RARS2: variants seen among roughly 807,000 people sequenced by gnomAD.
RARS2 encodes the protein probable arginine--tRNA ligase, mitochondrial.
RARS2 carries 67 observed loss-of-function variants against 88.5 expected under a neutral mutation model. The observed-to-expected ratio is 0.76, with a 90% CI of 0.62 to 0.93. RARS2 has a LOEUF of 0.93. Among genes scored for constraint, RARS2 ranks in the 40% least tolerant of loss-of-function variants. RARS2 has a pLI of 0.00. For missense variants in RARS2, 664 were observed against 684.2 expected (o/e 0.97, Z 0.33); for synonymous variants, 239 against 230.3 (o/e 1.04, Z -0.34).
intron 11 of RARS2, among the ~76,000 whole-genome samples, chr6:87,522,427 T>A (rs1156559722): frequency 6.6e-6 from 1 of 150,820 alleles, no homozygotes; most frequent in African/African-American, 2.4e-5. Context: ...AGTTTGCATA[T>A]GAAATAATGA....
intron 5 of RARS2, 62 bp downstream of exon 5, chr6:87,555,346 T>C (rs1377406873): frequency 7.1e-6 from 9 of 1,259,858 alleles, no homozygotes; most frequent in Admixed American, 5.1e-5. Flanking sequence ...ATAATGATGG[T>C]AATAACACTC....
intron 1 of RARS2, among the ~76,000 whole-genome samples, chr6:87,570,717 G>A (rs951056480): frequency 6.6e-6 from 1 of 152,092 alleles, no homozygotes; most frequent in Non-Finnish European, 1.5e-5. Context: ...ACCATGCCCA[G>A]CCAGATTTTT....
At chr6:87,579,722 T>G (rs1030584527) in intron 1 of RARS2, among the ~76,000 whole-genome samples, 9 of 112,226 alleles carry the variant, frequency 8.0e-5, no homozygotes, top group East Asian at 4.8e-4. Flanking sequence ...CATGTTTTTT[T>G]TTTTTTTTTT....
intron 11 of RARS2, among the ~76,000 whole-genome samples, chr6:87,521,798 G>A (rs980158109): frequency 6.6e-6 from 1 of 152,124 alleles, no homozygotes; most frequent in Non-Finnish European, 1.5e-5. Flanking sequence ...TCTACAACAA[G>A]TAGTAATAAC....
At position 87,515,285 on chromosome 6, in the gene RARS2, G is replaced by A. The variant is rs535853300; in HGVS notation, c.1587-265C>T. ...GCCTGTAATCCCAGCACTTTGGGAG[G>A]CCGAGGCGGGTGGATCACAAGGTCA... is the stretch of plus-strand genomic sequence containing the variant. On this transcript the variant is annotated intron_variant, in intron 18 of 19. Transcript: ENST00000369536. Among the ~76,000 whole-genome samples, 8 of 152,320 alleles carry A rather than the reference G, an allele frequency of 5.3e-5. No individual in the cohort carries two copies. In the East Asian group the frequency reaches 1.2e-3, roughly 22 times the overall value.
chr6:87,518,698 C>G lies in RARS2; in HGVS notation c.1347G>C (p.Trp449Cys), dbSNP rs774339242. The G allele has an allele frequency of 3.7e-6, 6 of 1,613,952 alleles. No homozygotes were observed. Among genetic ancestry groups the G allele is most frequent in the Non-Finnish European group, 5.1e-6 (6 of 1,180,000 alleles). ...GLLLSDYKFS[W>C]DRVFQSRGDT... ...CCCCGCGACTCTGGAAAACACGATCCCAGCTGAACTTGTAGTCAGATAAGA... is the reference window on the plus strand; with the variant it reads ...CCCCGCGACTCTGGAAAACACGATCGCAGCTGAACTTGTAGTCAGATAAGA... The change falls in exon 16 of 20, where the codon TGG becomes TGC. Residue 449 changes from tryptophan (W) to cysteine (C), a missense_variant. Coordinates refer to ENST00000369536, the MANE Select transcript of RARS2 (RefSeq NM_020320.5).
At chr6:87,571,125 C>T (rs1415667918) in intron 1 of RARS2, among the ~76,000 whole-genome samples, 3 of 151,924 alleles carry the variant, frequency 2.0e-5, no homozygotes, top group Admixed American at 6.6e-5. Flanking sequence ...ATAATCCCCA[C>T]GTGTCATGGG....
intron 4 of RARS2, among the ~76,000 whole-genome samples, chr6:87,557,876 T>A (rs1482617816): frequency 6.6e-6 from 1 of 152,142 alleles, no homozygotes; most frequent in Non-Finnish European, 1.5e-5. Flanking sequence ...AACCACTCCC[T>A]TAAGATTTCA....
intron 6 of RARS2, among the ~76,000 whole-genome samples, 198 bp downstream of exon 6, chr6:87,548,393 T>A (rs965157126): frequency 1.3e-5 from 2 of 152,254 alleles, no homozygotes; most frequent in Non-Finnish European, 2.9e-5. Context: ...GTGAATCTTT[T>A]GGTTTTGAAA....
intron 1 of RARS2, among the ~76,000 whole-genome samples, chr6:87,584,349 G>A (rs947732679): frequency 1.3e-5 from 2 of 152,020 alleles, no homozygotes; most frequent in South Asian, 4.1e-4. Context: ...AACTTAAGAG[G>A]GTAAAATCAC....
At chr6:87,581,965 G>A (rs1252101771) in intron 1 of RARS2, among the ~76,000 whole-genome samples, 7 of 152,152 alleles carry the variant, frequency 4.6e-5, no homozygotes, top group Admixed American at 4.6e-4. Flanking sequence ...GTATTCCATG[G>A]TGTATATGTA....
intron 1 of RARS2, among the ~76,000 whole-genome samples, chr6:87,572,570 T>C (rs1023405365): frequency 9.2e-5 from 14 of 152,166 alleles, no homozygotes; most frequent in Non-Finnish European, 1.6e-4. Flanking sequence ...TCTTTTTTTT[T>C]CTTTTCCCCA....
chr6:87,567,606 TA>T (rs1768309653), intron 2 of RARS2, among the ~76,000 whole-genome samples: 3 of 152,196 alleles, frequency 2.0e-5, no homozygotes, highest in Non-Finnish European at 2.9e-5. Context: ...CACTCTGGAA[TA>T]AAGTTAGAAA....
chr6:87,576,737 A>C (rs1771705485), intron 1 of RARS2, among the ~76,000 whole-genome samples: 1 of 152,200 alleles, frequency 6.6e-6, no homozygotes, highest in Non-Finnish European at 1.5e-5. Flanking sequence ...AACATATTTC[A>C]ATTAAAAAAG....
chr6:87,559,175 TAAAC>T lies in RARS2; in HGVS notation c.297+3523_297+3526del, dbSNP rs149794227. Among the ~76,000 whole-genome samples, 1,390 of 152,168 alleles carry T rather than the reference TAAAC, an allele frequency of 9.1e-3. 21 individuals carry two copies. Among genetic ancestry groups the T allele is most frequent in the African/African-American group, 0.031 (1,291 of 41,496 alleles). Reference sequence around the variant, plus strand: ...TGTTATTACAAAACAGCTGAAAAGTTAAACAAGCTGAGATATAAAGAAAAATAAA... The same window carrying T: ...TGTTATTACAAAACAGCTGAAAAGTTAAGCTGAGATATAAAGAAAAATAAA... On this transcript the variant is annotated intron_variant, in intron 4 of 19. Transcript: ENST00000369536.
In RARS2 at chr6:87,514,264, TCA is replaced by T; in HGVS notation, c.*147_*148del. 2.0e-6 allele frequency: 1 copy of T among 511,780 alleles called. No homozygotes were observed. Among genetic ancestry groups the T allele is most frequent in the South Asian group, 2.0e-5 (1 of 48,956 alleles). 31.7% of individuals were successfully genotyped at this position (511,780 alleles called of 1,614,324 possible). A position where few individuals can be genotyped will look rare whatever the true frequency, so the allele number is the denominator to read the frequency against. ...AGGTGGAGGTTGCAGTGAGCCAACA[TCA>T]CACCATTGCACTCCAGCCTGGGCAA... On this transcript the variant is annotated 3_prime_UTR_variant, in exon 20 of 20. Coordinates refer to ENST00000369536, the MANE Select transcript of RARS2 (RefSeq NM_020320.5).
chr6:87,564,321 A>G lies in RARS2; in HGVS notation c.111-89T>C, dbSNP rs543778658. 2.8e-5 allele frequency: 26 copies of G among 926,328 alleles called. No individual in the cohort carries two copies. In the East Asian group the frequency reaches 6.2e-4, roughly 22 times the overall value. 57.4% of individuals were successfully genotyped at this position (926,328 alleles called of 1,614,324 possible). A position where few individuals can be genotyped will look rare whatever the true frequency, so the allele number is the denominator to read the frequency against. ...ACTAATCACTATGAGTTCTCCATTG[A>G]GACATACCTTTACCAGAAGAAGGTG... is the stretch of plus-strand genomic sequence containing the variant. On this transcript the variant is annotated intron_variant, in intron 2 of 19. Transcript: ENST00000369536.
Position 87,552,592 on chromosome 6 carries a change from C to T in RARS2, c.395+2816G>A, listed in dbSNP as rs575856602. The stretch of plus-strand genomic sequence containing the variant: ...CATACAAAAAGCCTACAGAATACAA[C>T]TCACATAGAACAGGTTATTTTTAGA... On this transcript the variant is annotated intron_variant, in intron 5 of 19. Coordinates refer to ENST00000369536, the MANE Select transcript of RARS2 (RefSeq NM_020320.5). Among the ~76,000 whole-genome samples the T allele has an allele frequency of 3.3e-5, 5 of 152,132 alleles. No homozygotes were observed. The East Asian group carries it at 9.7e-4, about 29-fold the overall frequency.
At chr6:87,533,353 ACAC>A (rs1778140709) in intron 8 of RARS2, among the ~76,000 whole-genome samples, 1 of 152,210 alleles carries the variant, frequency 6.6e-6, no homozygotes, top group Admixed American at 6.5e-5. Context: ...AAATCAACTG[ACAC>A]TATCAAAGAG....
Sources: allele counts gnomAD v4.1 joint callset (sites outside exome capture counted in the v4.1 genomes callset), GRCh38; gene constraint gnomAD v4.1.1; transcripts MANE v1.5; gene names NCBI Gene and HGNC (gene_info 2026-07-23, HGNC 2026-07-21).